HHIPL2: variants seen among roughly 807,000 people sequenced by gnomAD.
HHIPL2 encodes the protein HHIP like 2.
HHIPL2 carries 61 observed loss-of-function variants against 61.0 expected under a neutral mutation model. That is an observed-to-expected ratio of 1.00 (90% confidence interval 0.81 to 1.24). The LOEUF (loss-of-function observed/expected upper bound fraction) is 1.24, where lower values mean the gene tolerates loss of function less well. Ranked by LOEUF, HHIPL2 falls within the 50% of genes most tolerant of loss-of-function variation. The pLI is 0.00. For synonymous variants in HHIPL2, 343 were observed against 357.4 expected (o/e 0.96, Z 0.45); for missense variants, 885 against 910.2 (o/e 0.97, Z 0.36).
chr1:222,544,195 A>G lies in HHIPL2; in HGVS notation c.322-6T>C, dbSNP rs1659508191. On this transcript the variant is annotated splice_polypyrimidine_tract_variant and splice_region_variant and intron_variant, in intron 1 of 8. Coordinates refer to ENST00000343410, the MANE Select transcript of HHIPL2 (RefSeq NM_024746.4). ...GCTGCGTAGGGCGAGCACTCCTAAA[A>G]AAGAACGCGGAGCTCAGGCTCAGCA... The G allele has an allele frequency of 1.2e-6, 2 of 1,606,158 alleles. No homozygotes were observed.
intron 1 of HHIPL2, among the ~76,000 whole-genome samples, chr1:222,546,047 A>AAATAAATAAAT (rs1553271590): frequency 3.4e-4 from 48 of 141,280 alleles, no homozygotes; most frequent in Non-Finnish European, 5.3e-4. Context: ...TCTGTCTCAA[A>AAATAAATAAAT]AAATAAATAA....
At chr1:222,530,724 CTT>C (rs72005037) in intron 6 of HHIPL2, among the ~76,000 whole-genome samples, 3 of 150,968 alleles carry the variant, frequency 2.0e-5, no homozygotes, top group Admixed American at 2.0e-4. Context: ...TATAGAGAAT[CTT>C]TTTTTTTAAA....
chr1:222,525,856 G>A (rs758925053), intron 7 of HHIPL2, among the ~76,000 whole-genome samples: 28 of 151,898 alleles, frequency 1.8e-4, no homozygotes, highest in Non-Finnish European at 2.4e-4. Context: ...AAAATTAGTC[G>A]GGTGTGGTGG....
chr1:222,541,406 G>A (rs1309770534), intron 3 of HHIPL2, among the ~76,000 whole-genome samples: 1 of 152,088 alleles, frequency 6.6e-6, no homozygotes, highest in African/African-American at 2.4e-5. Context: ...TTTCTTGTCT[G>A]TAAAATGGAT....
intron 5 of HHIPL2, among the ~76,000 whole-genome samples, chr1:222,536,888 AAAAAAAAAATTTTTT>A (rs1168549439): frequency 6.8e-6 from 1 of 147,522 alleles, no homozygotes; most frequent in Non-Finnish European, 1.5e-5. Flanking sequence ...CATCTCTACA[AAAAAAAAAATTTTTT>A]TTAATTAGCT....
intron 5 of HHIPL2, among the ~76,000 whole-genome samples, chr1:222,538,195 GGTGTGTGTGTGTGTGTGTGTGTGTGTGT>G (rs373452655): frequency 1.5e-5 from 2 of 136,274 alleles, no homozygotes; most frequent in Non-Finnish European, 3.2e-5. Context: ...CTCTGGCTGG[GGTGTGTGTGTGTGTGTGTGTGTGTGTGT>G]GTGTGTGTGT....
chr1:222,531,094 A>G (rs1258051609), intron 6 of HHIPL2, among the ~76,000 whole-genome samples: 1 of 152,120 alleles, frequency 6.6e-6, no homozygotes, highest in African/African-American at 2.4e-5. Context: ...ATCATGCTTC[A>G]CTGATTCCCT....
chr1:222,540,084 C>T lies in HHIPL2; in HGVS notation c.1376G>A (p.Gly459Asp). The T allele has an allele frequency of 6.2e-7, 1 of 1,614,278 alleles. No homozygotes were observed. Among genetic ancestry groups the T allele is most frequent in the South Asian group, 1.1e-5 (1 of 91,090 alleles). The part of the protein sequence containing the change: ...RFEEVDLILK[G>D]GNYGWRAKEG... ...CTTTGCTCTCCAGCCATAGTTTCCA[C>T]CTTTCAAAATGAGGTCAACCTCTTC... Residue 459 changes from glycine (G) to aspartate (D), a missense_variant, in exon 4 of 9, where the codon GGT becomes GAT. Physicochemically the swap from Gly to Asp is moderately conservative, Grantham distance 94. Coordinates refer to ENST00000343410, the MANE Select transcript of HHIPL2 (RefSeq NM_024746.4).
intron 4 of HHIPL2, 137 bp from the exon 5 acceptor site, chr1:222,538,911 A>C: frequency 1.3e-6 from 1 of 761,002 alleles, no homozygotes; most frequent in Non-Finnish European, 2.1e-6. Context: ...TAGGACAGGC[A>C]AGCAAGTGAA....
At chr1:222,522,957 T>C in intron 8 of HHIPL2, 70 bp from the exon 9 acceptor site, 1 of 1,201,236 alleles carries the variant, frequency 8.3e-7, no homozygotes, top group Admixed American at 2.3e-5. Flanking sequence ...AAACTATAAC[T>C]GCATTATAGT....
At chr1:222,525,440 CGGGGAACAGCCTCA>C (rs985974340) in intron 7 of HHIPL2, among the ~76,000 whole-genome samples, 3 of 152,096 alleles carry the variant, frequency 2.0e-5, no homozygotes, top group Non-Finnish European at 4.4e-5. Flanking sequence ...CACATCACCC[CGGGGAACAGCCTCA>C]GGGACGGAGC....
intron 5 of HHIPL2, among the ~76,000 whole-genome samples, chr1:222,532,615 C>CAA (rs34544375): frequency 0.46 from 63,031 of 137,390 alleles, 14,172 homozygotes; most frequent in East Asian, 0.66. Flanking sequence ...GACTTTGTCT[C>CAA]AAAAAAAAAA....
In HHIPL2 at chr1:222,522,286, A is replaced by C; in HGVS notation, c.*315T>G. 1 of 353,612 alleles carries C rather than the reference A, an allele frequency of 2.8e-6. No individual in the cohort carries two copies. Among genetic ancestry groups the C allele is most frequent in the South Asian group, 6.1e-5 (1 of 16,338 alleles). 21.9% of individuals were successfully genotyped at this position (353,612 alleles called of 1,614,324 possible). A position where few individuals can be genotyped will look rare whatever the true frequency, so the allele number is the denominator to read the frequency against. On this transcript the variant is annotated 3_prime_UTR_variant, in exon 9 of 9. Transcript: ENST00000343410. ...CAGTTTGAGCAAATGTTGATTTATT[A>C]CCTCAGGTTGTAGGCATTTACAAGA... is the stretch of plus-strand genomic sequence containing the variant.
In HHIPL2 at chr1:222,523,793, A is replaced by G. The variant is rs1019072283; in HGVS notation, c.1806-99T>C. The G allele has an allele frequency of 2.7e-6, 3 of 1,100,116 alleles. No homozygotes were observed. The African/African-American group carries it at 4.6e-5, about 17-fold the overall frequency. The allele number at this position is 1,100,116 out of a possible 1,614,324, so 68.1% of individuals were successfully genotyped here. Reference sequence around the variant, plus strand: ...GCGTATATTTGCAAGAATTGGGGTCAGCCTTTACTTATCCATGGGGATGGG... The same window carrying G: ...GCGTATATTTGCAAGAATTGGGGTCGGCCTTTACTTATCCATGGGGATGGG... On this transcript the variant is annotated intron_variant, in intron 7 of 8. Coordinates refer to ENST00000343410, the MANE Select transcript of HHIPL2 (RefSeq NM_024746.4).
chr1:222,536,411 C>T (rs987131759), intron 5 of HHIPL2, among the ~76,000 whole-genome samples: 1 of 152,170 alleles, frequency 6.6e-6, no homozygotes, highest in Non-Finnish European at 1.5e-5. Context: ...GGAAAAATTC[C>T]TTGAAAGGCA....
chr1:222,544,142 C>CT lies in HHIPL2; in HGVS notation c.368dup (p.Thr124AspfsTer12). ...GGCCCGGGAGATTCCGGAGAGGCGT[C>CT]TGGGTGTTTTCGGCGTCGTAGAGGT... is the stretch of plus-strand genomic sequence containing the variant. On this transcript the variant is annotated frameshift_variant, in exon 2 of 9. Coordinates refer to ENST00000343410, the MANE Select transcript of HHIPL2 (RefSeq NM_024746.4). LOFTEE classifies it high-confidence loss of function. 6.2e-7 allele frequency: 1 copy of CT among 1,613,818 alleles called. No individual in the cohort carries two copies. The highest frequency in any genetic ancestry group is 2.2e-5 in the East Asian group (1 of 44,870).
In HHIPL2 at chr1:222,524,692, G is replaced by A. The variant is rs560859440; in HGVS notation, c.1806-998C>T. Among the ~76,000 whole-genome samples the A allele has an allele frequency of 5.5e-4, 84 of 152,328 alleles. 2 individuals are homozygous for A. The highest frequency in any genetic ancestry group is 5.0e-3 in the Admixed American group (76 of 15,296). On this transcript the variant is annotated intron_variant, in intron 7 of 8. Coordinates refer to ENST00000343410, the MANE Select transcript of HHIPL2 (RefSeq NM_024746.4). The stretch of plus-strand genomic sequence containing the variant: ...TAAAGGAAGGGTAGGAGGAAAAAAT[G>A]GGAGGGAGAAAAGGATACATAAATT...
At position 222,532,009 on chromosome 1, in the gene HHIPL2, G is replaced by A. The variant is rs1299446737; in HGVS notation, c.1680C>T (p.Ser560=). 1 of 1,612,830 alleles carries A rather than the reference G, an allele frequency of 6.2e-7. No homozygotes were observed. Among genetic ancestry groups the A allele is most frequent in the African/African-American group, 1.3e-5 (1 of 75,052 alleles). ...AGGAGATGATGAACTTGCTATGGGT[G>A]CTGATCAGCCCTGGGAAGGCACAGG... ...TTSCAFPGLI[S]THSKFIISFA... is the part of the protein sequence containing the mutation. The change falls in exon 6 of 9, where the codon AGC becomes AGT. Residue 560 remains serine (S), a synonymous_variant. Coordinates refer to ENST00000343410, the MANE Select transcript of HHIPL2 (RefSeq NM_024746.4).
chr1:222,533,394 A>G (rs886450141), intron 5 of HHIPL2, among the ~76,000 whole-genome samples: 6 of 151,864 alleles, frequency 4.0e-5, no homozygotes, highest in Non-Finnish European at 7.4e-5. Context: ...AGAAAAGAAA[A>G]GGAAAAAGAA....
Sources: gnomAD v4.1 joint callset for allele counts (sites outside exome capture counted in the v4.1 genomes callset) on GRCh38, gnomAD v4.1.1 for gene constraint, MANE v1.5 for transcripts, NCBI Gene and HGNC (gene_info 2026-07-23, HGNC 2026-07-21) for gene names.